The following EML4 variants were observed in gnomAD, a reference collection of about 807,000 sequenced individuals.
EML4 encodes the protein echinoderm microtubule-associated protein-like 4.
In EML4, 72 loss-of-function variants were observed where a neutral mutation model predicts 129.0. The ratio of observed to expected loss-of-function variants is 0.56; its 90% CI spans 0.46 to 0.68. The LOEUF (loss-of-function observed/expected upper bound fraction) is 0.68, where lower values mean the gene tolerates loss of function less well. Ranked by LOEUF, EML4 falls within the 30% of genes least tolerant of loss-of-function variation. EML4 has a pLI of 0.00. For missense variants in EML4, 1,363 were observed against 1,190.6 expected, an observed-to-expected ratio of 1.14 and a Z score of -2.13; for synonymous variants, 532 against 405.0, an observed-to-expected ratio of 1.31 and a Z score of -3.77.
At chr2:42,322,522 A>AT (rs1481704520) in intron 19 of EML4, among the ~76,000 whole-genome samples, 1 of 152,240 alleles carries the variant, frequency 6.6e-6, no homozygotes, top group East Asian at 1.9e-4. Flanking sequence ...GATAATCATC[A>AT]TGCAGTTGAC....
intron 1 of EML4, among the ~76,000 whole-genome samples, chr2:42,224,185 G>T (rs1056501071): frequency 2.0e-5 from 3 of 152,048 alleles, no homozygotes; most frequent in Non-Finnish European, 4.4e-5. Context: ...AAGAAATCCT[G>T]TATCCTTTAG....
chr2:42,320,529 TA>T (rs1669464286), intron 19 of EML4, among the ~76,000 whole-genome samples: 1 of 152,160 alleles, frequency 6.6e-6, no homozygotes, highest in African/African-American at 2.4e-5. Flanking sequence ...GCAAGGTACT[TA>T]GTAAATATTA....
rs1175163000 is a variant in EML4 at position 42,295,113 on chromosome 2, C to A, written c.1219-12C>A. ...TATACATTCATCTAAAGCTTTATTT[C>A]CCTTTTCATAGACAACAAATGAAGT... On this transcript the variant is annotated splice_polypyrimidine_tract_variant and intron_variant, in intron 11 of 22. Transcript: ENST00000318522. The A allele has an allele frequency of 1.9e-6, 3 of 1,600,018 alleles. No homozygotes were observed. In the South Asian group the frequency reaches 3.4e-5, roughly 18 times the overall value.
chr2:42,285,586 CT>C (rs70963307), intron 9 of EML4, among the ~76,000 whole-genome samples: 4 of 145,924 alleles, frequency 2.7e-5, no homozygotes, highest in South Asian at 2.2e-4. Flanking sequence ...CTGACTCCAC[CT>C]TTTTTTTTTC....
intron 11 of EML4, among the ~76,000 whole-genome samples, chr2:42,292,442 G>A (rs1399343628): frequency 6.6e-6 from 1 of 152,162 alleles, no homozygotes; most frequent in Non-Finnish European, 1.5e-5. Context: ...AGAGCAAATA[G>A]AATGAACAAG....
At position 42,330,441 on chromosome 2, in the gene EML4, T is replaced by C; in HGVS notation, c.*234T>C. The C allele has an allele frequency of 1.7e-6, 1 of 593,244 alleles. No homozygotes were observed. 36.7% of individuals were successfully genotyped at this position (593,244 alleles called of 1,614,324 possible). A position where few individuals can be genotyped will look rare whatever the true frequency, so the allele number is the denominator to read the frequency against. On this transcript the variant is annotated 3_prime_UTR_variant, in exon 23 of 23. Coordinates refer to ENST00000318522, the MANE Select transcript of EML4 (RefSeq NM_019063.5). ...TTAATACTAGGAGAAGACTGAATCA[T>C]TAATGATGTCTCACAAATTACTGTG...
At chr2:42,209,961 A>G (rs774305306) in intron 1 of EML4, among the ~76,000 whole-genome samples, 17 of 151,984 alleles carry the variant, frequency 1.1e-4, no homozygotes, top group Non-Finnish European at 1.5e-5. Context: ...CAAACAAACA[A>G]AAAAACCAAT....
intron 6 of EML4, chr2:42,265,001 G>T (rs1665975639): frequency 2.6e-6 from 4 of 1,510,420 alleles, no homozygotes; most frequent in Non-Finnish European, 3.6e-6. Context: ...TTTTTTCCTG[G>T]ATCTCTTATT....
At chr2:42,171,765 C>G (rs1324645451) in intron 1 of EML4, among the ~76,000 whole-genome samples, 5 of 152,072 alleles carry the variant, frequency 3.3e-5, no homozygotes, top group Admixed American at 1.3e-4. Flanking sequence ...TGGAGCTGTT[C>G]TTGATGAAGA....
At chr2:42,285,360 C>G (rs1446409491) in intron 9 of EML4, among the ~76,000 whole-genome samples, 2 of 152,106 alleles carry the variant, frequency 1.3e-5, no homozygotes, top group Admixed American at 6.5e-5. Context: ...GTATGTATGA[C>G]TATACTCATG....
chr2:42,195,536 A>C (rs773671557), intron 1 of EML4, among the ~76,000 whole-genome samples: 11 of 152,242 alleles, frequency 7.2e-5, no homozygotes, highest in Non-Finnish European at 7.3e-5. Flanking sequence ...AATACAAGAC[A>C]TAGAAAAATT....
chr2:42,240,608 T>A (rs1040265144), intron 1 of EML4, among the ~76,000 whole-genome samples: 1 of 152,270 alleles, frequency 6.6e-6, no homozygotes, highest in Non-Finnish European at 1.5e-5. Context: ...TTCCATGATA[T>A]TCTATGGTAT....
chr2:42,237,435 A>G (rs184399013), intron 1 of EML4, among the ~76,000 whole-genome samples: 76 of 152,212 alleles, frequency 5.0e-4, no homozygotes, highest in African/African-American at 1.7e-3. Context: ...GTTATTTTCT[A>G]AAGATTTTAT....
In EML4 at chr2:42,328,627, TTACCATTGAG is replaced by T. The variant is rs1240540956; in HGVS notation, c.2342-247_2342-238del. 2.6e-5 allele frequency among the ~76,000 whole-genome samples: 4 copies of T among 152,344 alleles called. 1 individual carries two copies. The South Asian group carries it at 6.2e-4, about 24-fold the overall frequency. On this transcript the variant is annotated intron_variant, in intron 21 of 22. Coordinates refer to ENST00000318522, the MANE Select transcript of EML4 (RefSeq NM_019063.5). ...ATAAATTATTAGCACCACCTGCTGGTTACCATTGAGTACCATTGAGTCTTTAAGTTTTCCA... is the reference window on the plus strand; with the variant it reads ...ATAAATTATTAGCACCACCTGCTGGTTACCATTGAGTCTTTAAGTTTTCCA...
At position 42,250,940 on chromosome 2, in the gene EML4, C is replaced by G. The variant is rs2104329748; in HGVS notation, c.208+5253C>G. On this transcript the variant is annotated intron_variant, in intron 2 of 22. Transcript: ENST00000318522. ...GACAGATCATCAGGCATTAGATTCT[C>G]ATAGGAGCATGCAACCTAGATCCCT... is the stretch of plus-strand genomic sequence containing the variant. 1.3e-5 allele frequency among the ~76,000 whole-genome samples: 2 copies of G among 152,270 alleles called. 1 individual carries two copies. Among genetic ancestry groups the G allele is most frequent in the South Asian group, 4.1e-4 (2 of 4,830 alleles).
chr2:42,225,846 T>G (rs1673925727), intron 1 of EML4, among the ~76,000 whole-genome samples: 1 of 152,162 alleles, frequency 6.6e-6, no homozygotes, highest in South Asian at 2.1e-4. Flanking sequence ...TTTCAGAAAT[T>G]TAAAAACTTG....
chr2:42,277,017 G>A (rs1666695270), intron 6 of EML4, among the ~76,000 whole-genome samples: 2 of 151,998 alleles, frequency 1.3e-5, no homozygotes, highest in Admixed American at 6.6e-5. Context: ...ACCCAATATG[G>A]TGTTCTGAGC....
At chr2:42,315,539 TATC>T (rs1311793740) in intron 17 of EML4, among the ~76,000 whole-genome samples, 1 of 152,128 alleles carries the variant, frequency 6.6e-6, no homozygotes, top group Non-Finnish European at 1.5e-5. Flanking sequence ...GAAGAAAACA[TATC>T]ATACTTAAGG....
intron 1 of EML4, among the ~76,000 whole-genome samples, chr2:42,240,136 A>C (rs576246342): frequency 6.6e-6 from 1 of 152,254 alleles, no homozygotes; most frequent in South Asian, 2.1e-4. Context: ...ATAGAAATTT[A>C]AGTTATTTGC....
Sources: gnomAD v4.1 joint callset for allele counts (sites outside exome capture counted in the v4.1 genomes callset) on GRCh38, gnomAD v4.1.1 for gene constraint, MANE v1.5 for transcripts, NCBI Gene and HGNC (gene_info 2026-07-23, HGNC 2026-07-21) for gene names.